Variants in HNRNPL observed in about 807,000 individuals in gnomAD.
The protein encoded by HNRNPL is epididymis secretory sperm binding protein.
HNRNPL carries 12 observed loss-of-function variants against 64.0 expected under a neutral mutation model. The observed-to-expected ratio is 0.19, with a 90% CI of 0.12 to 0.30. The LOEUF (loss-of-function observed/expected upper bound fraction) is 0.30. HNRNPL is among the 10% of genes least tolerant of loss of function. The probability of loss-of-function intolerance (pLI) is 1.00; values close to 1 mark genes in which losing one functional copy is unlikely to be tolerated. For missense variants in HNRNPL, 484 were observed against 797.4 expected, an observed-to-expected ratio of 0.61 and a Z score of 4.73; for synonymous variants, 385 against 313.0, an observed-to-expected ratio of 1.23 and a Z score of -2.43.
intron 12 of HNRNPL, chr19:38,837,102 A>G (rs1446010111): frequency 3.2e-5 from 18 of 555,658 alleles, no homozygotes; most frequent in Non-Finnish European, 5.8e-5. Flanking sequence ...TGGCTTTCCT[A>G]CCTAAGCCAG....
intron 1 of HNRNPL, among the ~76,000 whole-genome samples, chr19:38,849,065 T>C (rs969550972): frequency 1.3e-5 from 2 of 152,360 alleles, no homozygotes; most frequent in African/African-American, 4.8e-5. Context: ...CGGTACCCAG[T>C]GAATCCCCGG....
At position 38,838,570 on chromosome 19, in the gene HNRNPL, C is replaced by G; in HGVS notation, c.1384G>C (p.Gly462Arg). ...CCGTCTTCCAACCCGTATGACTGAC[C>G]AGGCATGATGGCTGGCTGCTTGGAG... ...CVSKQPAIMPGQSYGLEDGSC... is the reference protein window; with the variant it reads ...CVSKQPAIMPRQSYGLEDGSC... Residue 462 changes from glycine to arginine, a missense_variant, in exon 10 of 13, where the codon GGT becomes CGT. Transcript: ENST00000221419. 1 of 1,614,068 alleles carries G rather than the reference C, an allele frequency of 6.2e-7. No homozygotes were observed. The highest frequency in any genetic ancestry group is 1.1e-5 in the South Asian group (1 of 91,066).
chr19:38,837,259 C>T, intron 12 of HNRNPL, 125 bp downstream of exon 12: 2 of 733,582 alleles, frequency 2.7e-6, no homozygotes, highest in Middle Eastern at 3.8e-4. Context: ...TCCCACCTGC[C>T]TGTGTCACCA....
At chr19:38,841,948 GTA>G in intron 6 of HNRNPL, 1 of 339,456 alleles carries the variant, frequency 2.9e-6, no homozygotes, top group African/African-American at 2.2e-5. Context: ...GTGTCTCCTG[GTA>G]TGAGGTGTGC....
intron 4 of HNRNPL, among the ~76,000 whole-genome samples, chr19:38,844,472 T>A (rs1972220034): frequency 6.6e-6 from 1 of 152,180 alleles, no homozygotes; most frequent in African/African-American, 2.4e-5. Context: ...GGCTTTTTCC[T>A]GCCCCTGCCC....
Position 38,849,680 on chromosome 19 carries a change from G to C in HNRNPL, c.267+20C>G. On this transcript the variant is annotated intron_variant, in intron 1 of 12. Transcript: ENST00000221419. ...TCCCCCAGTTCCCGGCCTTCCCAGC[G>C]CCTAGGGCCCTGGCCTCACCCCACC... 7.6e-7 allele frequency: 1 copy of C among 1,323,400 alleles called. No homozygotes were observed. The highest frequency in any genetic ancestry group is 9.6e-7 in the Non-Finnish European group (1 of 1,042,756). 82.0% of individuals were successfully genotyped at this position (1,323,400 alleles called of 1,614,324 possible). A position where few individuals can be genotyped will look rare whatever the true frequency, so the allele number is the denominator to read the frequency against.
chr19:38,849,893 T>G lies in HNRNPL; in HGVS notation c.74A>C (p.Gln25Pro), dbSNP rs1425469403. 1.6e-6 allele frequency: 2 copies of G among 1,255,600 alleles called. No homozygotes were observed. The highest frequency in any genetic ancestry group is 1.9e-5 in the Admixed American group (1 of 53,068). 77.8% of individuals were successfully genotyped at this position (1,255,600 alleles called of 1,614,324 possible). A position where few individuals can be genotyped will look rare whatever the true frequency, so the allele number is the denominator to read the frequency against. ...RLEQRQQPDEQRRRSGAMVKM... is the reference protein window; with the variant it reads ...RLEQRQQPDEPRRRSGAMVKM... ...CACCATCGCTCCCGACCGCCTCCGCTGCTCGTCCGGCTGCTGCCTCTGCTC... is the reference window on the plus strand; with the variant it reads ...CACCATCGCTCCCGACCGCCTCCGCGGCTCGTCCGGCTGCTGCCTCTGCTC... The change falls in exon 1 of 13, where the codon CAG (glutamine) becomes CCG (proline). Residue 25 changes from glutamine to proline, a missense_variant. Transcript: ENST00000221419.
chr19:38,844,145 G>A (rs935129474), intron 4 of HNRNPL, 41 bp from the exon 5 acceptor site: 7 of 1,322,758 alleles, frequency 5.3e-6, no homozygotes, highest in South Asian at 3.5e-5. Flanking sequence ...GGAGATCTTT[G>A]AGAAGGGCTT....
At chr19:38,841,859 CCCT>C (rs1218877244) in intron 6 of HNRNPL, 1 of 377,896 alleles carries the variant, frequency 2.6e-6, no homozygotes, top group Middle Eastern at 5.8e-4. Flanking sequence ...TGGGTAGTGT[CCCT>C]CCATGTTGTC....
chr19:38,838,659 C>T, intron 9 of HNRNPL, 61 bp from the exon 10 acceptor site: 2 of 1,529,866 alleles, frequency 1.3e-6, no homozygotes, highest in Non-Finnish European at 1.8e-6. Flanking sequence ...AAGCTTTCCC[C>T]TGTGGCCTCC....
In HNRNPL at chr19:38,849,403, G is replaced by A. The variant is rs974045158; in HGVS notation, c.267+297C>T. 30 of 353,342 alleles carry A rather than the reference G, an allele frequency of 8.5e-5. No individual in the cohort carries two copies. The Middle Eastern group carries it at 2.2e-3, about 25-fold the overall frequency. The allele number at this position is 353,342 out of a possible 1,614,324, so 21.9% of individuals were successfully genotyped here. The stretch of plus-strand genomic sequence containing the variant: ...ATGATAAAGGGGAAAAAAACCGGCC[G>A]GGCCGCGTGCCCGGCCCCCACACGC... On this transcript the variant is annotated intron_variant, in intron 1 of 12. Coordinates refer to ENST00000221419, the MANE Select transcript of HNRNPL (RefSeq NM_001533.3).
chr19:38,843,950 C>T, intron 5 of HNRNPL, 36 bp from the exon 6 acceptor site: 1 of 1,610,784 alleles, frequency 6.2e-7, no homozygotes, highest in South Asian at 1.1e-5. Context: ...TTGAGGTCAG[C>T]CATGCCCCAG....
At chr19:38,849,045 A>G (rs912772327) in intron 1 of HNRNPL, among the ~76,000 whole-genome samples, 2 of 152,184 alleles carry the variant, frequency 1.3e-5, no homozygotes, top group African/African-American at 4.8e-5. Context: ...AGTTTGGTTT[A>G]TCAAATCCTC....
Position 38,849,848 on chromosome 19 carries a change from C to A in HNRNPL, c.119G>T (p.Gly40Val). ...GAMVKMAAAG[G>V]GGGGGRYYGG... ...GTAGTAGCGGCCACCGCCGCCTCCGCCGCCCGCCGCCGCCATCTTCACCAT... is the reference window on the plus strand; with the variant it reads ...GTAGTAGCGGCCACCGCCGCCTCCGACGCCCGCCGCCGCCATCTTCACCAT... The change falls in exon 1 of 13, where the codon GGC becomes GTC. Residue 40 changes from glycine to valine, a missense_variant. Around this residue, in one of 9 missense-constraint regions of HNRNPL, gnomAD observed 190 missense variants for 160.1 expected, o/e 1.19. Transcript: ENST00000221419. 2 of 1,198,086 alleles carry A rather than the reference C, an allele frequency of 1.7e-6. No homozygotes were observed. Among genetic ancestry groups the A allele is most frequent in the Non-Finnish European group, 2.4e-6 (2 of 850,918 alleles). The allele number at this position is 1,198,086 out of a possible 1,614,324, so 74.2% of individuals were successfully genotyped here.
At chr19:38,846,155 G>C in intron 2 of HNRNPL, 65 bp from the exon 3 acceptor site, 3 of 1,237,566 alleles carry the variant, frequency 2.4e-6, no homozygotes, top group Non-Finnish European at 2.4e-6. Context: ...GGTATCATTT[G>C]ATTTTTTGAG....
chr19:38,845,101 T>G (rs1347580466), intron 4 of HNRNPL: 1 of 92,124 alleles, frequency 1.1e-5, no homozygotes, highest in African/African-American at 3.3e-5. Context: ...CACTCATATT[T>G]GAACTTAGAA....
chr19:38,836,909 A>G (rs144295884), intron 12 of HNRNPL, 129 bp from the exon 13 acceptor site: 24 of 634,820 alleles, frequency 3.8e-5, no homozygotes, highest in Middle Eastern at 5.2e-4. Context: ...TGACTGCCCA[A>G]CGTGAGGCTT....
chr19:38,838,617 G>A lies in HNRNPL; in HGVS notation c.1356-19C>T, dbSNP rs749930963. 6.2e-7 allele frequency: 1 copy of A among 1,609,274 alleles called. No individual in the cohort carries two copies. Among genetic ancestry groups the A allele is most frequent in the South Asian group, 1.1e-5 (1 of 90,732 alleles). Reference sequence around the variant, plus strand: ...GGAGACACTGCAGCAAGGAAGAAAGGGGAGCCTTTGTCATACCCAAAGTTG... The same window carrying A: ...GGAGACACTGCAGCAAGGAAGAAAGAGGAGCCTTTGTCATACCCAAAGTTG... On this transcript the variant is annotated intron_variant, in intron 9 of 12. Transcript: ENST00000221419.
intron 10 of HNRNPL, among the ~76,000 whole-genome samples, chr19:38,838,149 C>A (rs1205603472): frequency 6.6e-6 from 1 of 152,250 alleles, no homozygotes; most frequent in Non-Finnish European, 1.5e-5. Flanking sequence ...AGTTGCCCTG[C>A]TTGCCAAAAA....
Sources: allele counts gnomAD v4.1 joint callset (sites outside exome capture counted in the v4.1 genomes callset), GRCh38; gene constraint gnomAD v4.1.1; regional missense constraint gnomAD v4.1.1; transcripts MANE v1.5; gene names NCBI Gene and HGNC (gene_info 2026-07-23, HGNC 2026-07-21).